CNTNAP2: variants seen among roughly 807,000 people sequenced by gnomAD.
The protein encoded by CNTNAP2 is contactin associated protein 2, also known as contactin-associated protein-like 2.
CNTNAP2 carries 98 observed loss-of-function variants against 155.2 expected under a neutral mutation model. That is an observed-to-expected ratio of 0.63 (90% CI 0.54 to 0.75). The LOEUF is 0.75. CNTNAP2 is among the 30% of genes least tolerant of loss of function. The pLI is 0.00. For synonymous variants in CNTNAP2, 651 were observed against 631.2 expected (o/e 1.03, Z -0.47); for missense variants, 1,727 against 1,688.1 (o/e 1.02, Z -0.40).
At chr7:147,686,991 T>G (rs1460619196) in intron 13 of CNTNAP2, among the ~76,000 whole-genome samples, 1 of 152,068 alleles carries the variant, frequency 6.6e-6, no homozygotes, top group Non-Finnish European at 1.5e-5. Context: ...TATTGTATAT[T>G]TCAAAATAGG....
At chr7:148,311,711 G>T (rs2116518419) in intron 21 of CNTNAP2, among the ~76,000 whole-genome samples, 1 of 152,300 alleles carries the variant, frequency 6.6e-6, no homozygotes, top group African/African-American at 2.4e-5. Flanking sequence ...AAAATGAGAG[G>T]TTCTAAGAGG....
chr7:147,705,700 C>G (rs1796300105), intron 13 of CNTNAP2, among the ~76,000 whole-genome samples: 1 of 152,168 alleles, frequency 6.6e-6, no homozygotes, highest in South Asian at 2.1e-4. Flanking sequence ...CCCTTTAAAT[C>G]TAATAATATT....
chr7:146,277,420 C>CA (rs2129084272), intron 1 of CNTNAP2, among the ~76,000 whole-genome samples: 1 of 152,178 alleles, frequency 6.6e-6, no homozygotes, highest in East Asian at 1.9e-4. Context: ...ACTGAATAAA[C>CA]AAAAAGCTTT....
chr7:148,276,627 T>A (rs1796874178), intron 21 of CNTNAP2, among the ~76,000 whole-genome samples: 2 of 152,256 alleles, frequency 1.3e-5, no homozygotes, highest in Admixed American at 1.3e-4. Context: ...ACTGACAGCA[T>A]CTGCCATATT....
intron 1 of CNTNAP2, among the ~76,000 whole-genome samples, chr7:146,532,965 G>C (rs1205720817): frequency 6.6e-6 from 1 of 151,636 alleles, no homozygotes; most frequent in East Asian, 1.9e-4. Flanking sequence ...AGACAAGTAT[G>C]GTGGTGTGTG....
At chr7:148,318,030 C>A (rs1197753794) in intron 21 of CNTNAP2, among the ~76,000 whole-genome samples, 1 of 152,214 alleles carries the variant, frequency 6.6e-6, no homozygotes, top group African/African-American at 2.4e-5. Context: ...TGGTGGCAAG[C>A]ATGCTTCTTT....
At chr7:146,119,601 G>A (rs1167590596) in intron 1 of CNTNAP2, among the ~76,000 whole-genome samples, 1 of 152,132 alleles carries the variant, frequency 6.6e-6, no homozygotes, top group Non-Finnish European at 1.5e-5. Context: ...CACTCTTAGG[G>A]AGTTGCATTT....
chr7:146,308,677 G>A (rs1800764636), intron 1 of CNTNAP2, among the ~76,000 whole-genome samples: 1 of 152,088 alleles, frequency 6.6e-6, no homozygotes, highest in African/African-American at 2.4e-5. Context: ...TGTCCTCTTA[G>A]GGACATGGAT....
At chr7:147,094,639 C>A (rs1800489322) in intron 4 of CNTNAP2, among the ~76,000 whole-genome samples, 1 of 151,790 alleles carries the variant, frequency 6.6e-6, no homozygotes, top group Non-Finnish European at 1.5e-5. Context: ...ATCTCCTGAC[C>A]TCGTGATCCG....
chr7:146,613,734 C>T (rs145564861), intron 1 of CNTNAP2, among the ~76,000 whole-genome samples: 2 of 152,210 alleles, frequency 1.3e-5, no homozygotes, highest in East Asian at 3.9e-4. Flanking sequence ...ATTTCAAATG[C>T]TTGATAGTAA....
chr7:147,620,531 TA>T, intron 12 of CNTNAP2, among the ~76,000 whole-genome samples: 1 of 150,162 alleles, frequency 6.7e-6, no homozygotes, highest in East Asian at 1.9e-4. Context: ...TATAATTATA[TA>T]TTTTTTAAAT....
At chr7:147,010,462 A>C (rs1358596607) in intron 3 of CNTNAP2, among the ~76,000 whole-genome samples, 1 of 151,964 alleles carries the variant, frequency 6.6e-6, no homozygotes, top group Non-Finnish European at 1.5e-5. Context: ...AGACACGTAT[A>C]TATGAATCTA....
intron 3 of CNTNAP2, among the ~76,000 whole-genome samples, chr7:146,896,403 C>A (rs939542375): frequency 1.3e-5 from 2 of 152,064 alleles, no homozygotes; most frequent in Non-Finnish European, 2.9e-5. Flanking sequence ...TCCCCAACCA[C>A]GTGTACATTT....
At chr7:147,266,289 A>G (rs533637100) in intron 8 of CNTNAP2, among the ~76,000 whole-genome samples, 3 of 152,328 alleles carry the variant, frequency 2.0e-5, no homozygotes, top group Non-Finnish European at 4.4e-5. Flanking sequence ...GAGAAACATA[A>G]AAGACCGGAT....
chr7:147,307,450 C>A (rs1035555720), intron 9 of CNTNAP2, among the ~76,000 whole-genome samples: 3 of 77,640 alleles, frequency 3.9e-5, no homozygotes, highest in South Asian at 1.2e-3. Context: ...GGCATGGTGG[C>A]ACACGTGCCT....
chr7:147,208,253 C>T (rs776218419), intron 8 of CNTNAP2, among the ~76,000 whole-genome samples: 1 of 152,038 alleles, frequency 6.6e-6, no homozygotes, highest in Non-Finnish European at 1.5e-5. Flanking sequence ...TACTCAGCCA[C>T]TCTGTCTTCT....
intron 16 of CNTNAP2, among the ~76,000 whole-genome samples, chr7:148,131,465 T>TA (rs1268307620): frequency 2.6e-5 from 4 of 152,258 alleles, no homozygotes; most frequent in African/African-American, 7.2e-5. Context: ...GATGGCCTGT[T>TA]AAAGTGTCAA....
chr7:146,353,259 T>C (rs1051841150), intron 1 of CNTNAP2, among the ~76,000 whole-genome samples: 2 of 152,216 alleles, frequency 1.3e-5, no homozygotes, highest in Non-Finnish European at 2.9e-5. Flanking sequence ...GTCCTCATCT[T>C]TCTTGACTCA....
intron 21 of CNTNAP2, among the ~76,000 whole-genome samples, chr7:148,300,552 T>C (rs1797366066): frequency 1.4e-5 from 2 of 147,288 alleles, no homozygotes; most frequent in African/African-American, 5.0e-5. Context: ...GTTTCCACCC[T>C]GTGAGGAACA....
Sources: allele counts gnomAD v4.1 joint callset (sites outside exome capture counted in the v4.1 genomes callset), GRCh38; gene constraint gnomAD v4.1.1; transcripts MANE v1.5; gene names NCBI Gene and HGNC (gene_info 2026-07-23, HGNC 2026-07-21).